Variants in UTRN observed in about 807,000 individuals in gnomAD.
UTRN encodes the protein utrophin.
A neutral mutation model predicts 463.9 loss-of-function variants in UTRN; 283 were observed. The observed-to-expected ratio is 0.61, with a 90% CI of 0.55 to 0.67. The LOEUF (loss-of-function observed/expected upper bound fraction) is 0.67. Ranked by LOEUF, UTRN falls within the 30% of genes least tolerant of loss-of-function variation. The pLI is 0.00. For missense variants in UTRN, 3,922 were observed against 4,084.3 expected (o/e 0.96, Z 1.08); for synonymous variants, 1,442 against 1,431.5 (o/e 1.01, Z -0.17).
intron 49 of UTRN, 108 bp downstream of exon 49, chr6:144,555,001 G>A: frequency 1.6e-6 from 2 of 1,257,648 alleles, no homozygotes; most frequent in Non-Finnish European, 2.2e-6. Context: ...TTTTTCCTAA[G>A]TTCTTAGAGT....
intron 2 of UTRN, among the ~76,000 whole-genome samples, chr6:144,338,634 C>T (rs1046306144): frequency 2.0e-5 from 3 of 152,116 alleles, no homozygotes; most frequent in Admixed American, 1.3e-4. Flanking sequence ...AAAGATCACT[C>T]TGGGCTCTGT....
At chr6:144,465,211 A>G (rs917439610) in intron 23 of UTRN, among the ~76,000 whole-genome samples, 1 of 152,186 alleles carries the variant, frequency 6.6e-6, no homozygotes, top group African/African-American at 2.4e-5. Flanking sequence ...ATGGAGATTA[A>G]CCTCAGAGTT....
chr6:144,426,446 C>T lies in UTRN; in HGVS notation c.565C>T (p.Leu189Phe). 1 of 1,613,748 alleles carries T rather than the reference C, an allele frequency of 6.2e-7. No individual in the cohort carries two copies. The highest frequency in any genetic ancestry group is 2.2e-5 in the East Asian group (1 of 44,872). Residue 189 changes from leucine to phenylalanine, a missense_variant, in exon 7 of 75, where the codon CTC (leucine) becomes TTC (phenylalanine). By Grantham distance (22) the Leu-to-Phe change is conservative. Coordinates refer to ENST00000367545, the MANE Select transcript of UTRN (RefSeq NM_007124.3). ...WTDGLAFNAV[L>F]HRHKPDLFSW... is the part of the protein sequence containing the mutation. ...AGATGGACTCGCCTTTAATGCTGTCCTCCACCGACATAAGTGAGACATTAC... is the reference window on the plus strand; with the variant it reads ...AGATGGACTCGCCTTTAATGCTGTCTTCCACCGACATAAGTGAGACATTAC...
intron 2 of UTRN, among the ~76,000 whole-genome samples, chr6:144,335,732 C>T (rs981725547): frequency 3.9e-5 from 6 of 152,196 alleles, no homozygotes; most frequent in South Asian, 4.1e-4. Context: ...AATAAACTCT[C>T]AAGTGATAAT....
intron 2 of UTRN, among the ~76,000 whole-genome samples, chr6:144,342,202 A>G (rs1777188211): frequency 6.6e-6 from 1 of 152,198 alleles, no homozygotes; most frequent in African/African-American, 2.4e-5. Flanking sequence ...ATTGGTGAGG[A>G]TGTGGAGAAA....
At chr6:144,797,587 T>C (rs946608063) in intron 63 of UTRN, among the ~76,000 whole-genome samples, 14 of 152,232 alleles carry the variant, frequency 9.2e-5, no homozygotes, top group African/African-American at 2.7e-4. Flanking sequence ...TCTGAGTATA[T>C]TGAAGTCTTG....
chr6:144,533,465 T>C lies in UTRN; in HGVS notation c.6233+205T>C, dbSNP rs9496995. Among the ~76,000 whole-genome samples, 79,317 of 151,982 alleles carry C rather than the reference T, an allele frequency of 0.52. 22,248 individuals are homozygous for C. The highest frequency in any genetic ancestry group is 0.85 in the East Asian group (4,418 of 5,180). ...CACTTTTCTACTCAAATGCTACATATGTAAAAACCAAACACCTTTATTCCT... is the reference window on the plus strand; with the variant it reads ...CACTTTTCTACTCAAATGCTACATACGTAAAAACCAAACACCTTTATTCCT... On this transcript the variant is annotated intron_variant, in intron 43 of 74. Transcript: ENST00000367545.
chr6:144,531,690 G>A (rs529778674), intron 42 of UTRN, among the ~76,000 whole-genome samples: 2 of 152,198 alleles, frequency 1.3e-5, no homozygotes, highest in Admixed American at 1.3e-4. Context: ...AGTTAGTTCT[G>A]ATAACAATAG....
At chr6:144,742,374 A>G (rs1283471805) in intron 54 of UTRN, among the ~76,000 whole-genome samples, 1 of 152,204 alleles carries the variant, frequency 6.6e-6, no homozygotes, top group Non-Finnish European at 1.5e-5. Flanking sequence ...ACACTGATTG[A>G]ACATTTCAGA....
At chr6:144,322,387 ACACT>A (rs1402880491) in intron 2 of UTRN, among the ~76,000 whole-genome samples, 2 of 152,096 alleles carry the variant, frequency 1.3e-5, no homozygotes, top group African/African-American at 2.4e-5. Flanking sequence ...TGGATTTACC[ACACT>A]CATCTGTGAA....
chr6:144,628,914 C>T (rs1427605442), intron 51 of UTRN, among the ~76,000 whole-genome samples: 1 of 152,142 alleles, frequency 6.6e-6, no homozygotes, highest in Non-Finnish European at 1.5e-5. Context: ...GGGCATTTAA[C>T]CTGTGTGGCA....
chr6:144,489,114 A>G (rs576291666), intron 30 of UTRN, among the ~76,000 whole-genome samples: 1 of 152,106 alleles, frequency 6.6e-6, no homozygotes, highest in African/African-American at 2.4e-5. Flanking sequence ...CAGTGGCACG[A>G]TCTTGGCTCA....
intron 2 of UTRN, among the ~76,000 whole-genome samples, chr6:144,336,439 A>T (rs1014126080): frequency 2.6e-5 from 4 of 152,170 alleles, no homozygotes; most frequent in African/African-American, 9.7e-5. Flanking sequence ...TATGAAGACC[A>T]CATTGGGGTT....
At chr6:144,749,807 T>C (rs1791187540) in intron 55 of UTRN, among the ~76,000 whole-genome samples, 1 of 152,204 alleles carries the variant, frequency 6.6e-6, no homozygotes, top group Admixed American at 6.5e-5. Context: ...AATTTGAATT[T>C]CTTTTTTGTT....
intron 54 of UTRN, among the ~76,000 whole-genome samples, chr6:144,732,299 C>CAT (rs367595941): frequency 0.094 from 12,049 of 128,436 alleles, 1,031 homozygotes; most frequent in East Asian, 0.47. Flanking sequence ...TATATATACA[C>CAT]ATATATATAT....
chr6:144,313,386 G>A (rs1345755867), intron 2 of UTRN, among the ~76,000 whole-genome samples: 2 of 151,988 alleles, frequency 1.3e-5, no homozygotes, highest in Non-Finnish European at 2.9e-5. Context: ...AAATAGAAAG[G>A]AGAATGGATA....
intron 23 of UTRN, among the ~76,000 whole-genome samples, chr6:144,473,017 G>A (rs1225856170): frequency 6.6e-6 from 1 of 152,014 alleles, no homozygotes; most frequent in Non-Finnish European, 1.5e-5. Flanking sequence ...TCCGTAGCCT[G>A]GGCCTCCTAA....
chr6:144,788,869 T>C (rs935066646), intron 61 of UTRN, among the ~76,000 whole-genome samples: 1 of 152,224 alleles, frequency 6.6e-6, no homozygotes, highest in South Asian at 2.1e-4. Flanking sequence ...AGCCAATTCA[T>C]AATATTTTTA....
intron 51 of UTRN, among the ~76,000 whole-genome samples, chr6:144,620,160 A>T (rs1049185637): frequency 6.6e-6 from 1 of 152,016 alleles, no homozygotes; most frequent in Non-Finnish European, 1.5e-5. Context: ...ATTTAATGAG[A>T]TCATTGTGAT....
Sources: gnomAD v4.1 joint callset for allele counts (sites outside exome capture counted in the v4.1 genomes callset) on GRCh38, gnomAD v4.1.1 for gene constraint, MANE v1.5 for transcripts, NCBI Gene and HGNC (gene_info 2026-07-23, HGNC 2026-07-21) for gene names.